The following RIPOR3 variants were observed in gnomAD, a reference collection of about 807,000 sequenced individuals.
The protein encoded by RIPOR3 is RIPOR family member 3, also known as family with sequence similarity 65 member C.
In RIPOR3, 95 loss-of-function variants were observed where a neutral mutation model predicts 114.3. The observed-to-expected ratio is 0.83, with a 90% CI of 0.70 to 0.99. The LOEUF is 0.99. Among genes scored for constraint, RIPOR3 ranks in the 50% least tolerant of loss-of-function variants. RIPOR3 has a pLI of 0.00. For missense variants in RIPOR3, 1,252 were observed against 1,266.9 expected (o/e 0.99, Z 0.18); for synonymous variants, 575 against 543.8 (o/e 1.06, Z -0.80).
At chr20:50,660,749 CTT>C (rs58201824) in intron 1 of RIPOR3, among the ~76,000 whole-genome samples, 893 of 83,232 alleles carry the variant, frequency 0.011, 8 homozygotes, top group African/African-American at 0.035. Flanking sequence ...TGGGATTTAC[CTT>C]TTTTTTTTTT....
intron 13 of RIPOR3, among the ~76,000 whole-genome samples, chr20:50,598,842 T>C (rs1430326140): frequency 6.7e-6 from 1 of 148,800 alleles, no homozygotes; most frequent in Non-Finnish European, 1.5e-5. Flanking sequence ...GAGGCGGAGG[T>C]TGCAGTGAGC....
intron 6 of RIPOR3, among the ~76,000 whole-genome samples, chr20:50,610,403 C>T (rs562824126): frequency 2.0e-5 from 3 of 152,168 alleles, no homozygotes; most frequent in African/African-American, 7.2e-5. Context: ...AACCTGCCAC[C>T]CACTGGGCAG....
At chr20:50,683,390 T>A (rs1469419741) in intron 1 of RIPOR3, among the ~76,000 whole-genome samples, 3 of 152,138 alleles carry the variant, frequency 2.0e-5, no homozygotes, top group Admixed American at 6.5e-5. Context: ...TAGGTGGGGC[T>A]GTTCAGGTGC....
intron 1 of RIPOR3, 68 bp from the exon 2 acceptor site, chr20:50,630,924 A>G: frequency 8.0e-7 from 1 of 1,253,058 alleles, no homozygotes; most frequent in Non-Finnish European, 1.1e-6. Context: ...CAGGCCAGCC[A>G]CCTTCCACCA....
intron 11 of RIPOR3, among the ~76,000 whole-genome samples, chr20:50,605,370 C>T (rs532893498): frequency 5.3e-5 from 8 of 152,116 alleles, no homozygotes; most frequent in East Asian, 1.9e-4. Flanking sequence ...CAACCAACCA[C>T]GCGAGACGGA....
chr20:50,670,648 C>T (rs749240985), intron 1 of RIPOR3, among the ~76,000 whole-genome samples: 1 of 152,114 alleles, frequency 6.6e-6, no homozygotes, highest in Admixed American at 6.6e-5. Flanking sequence ...GGCACCACAC[C>T]GTCCTGTGGA....
At chr20:50,592,304 A>C (rs1292839335) in intron 19 of RIPOR3, 40 bp downstream of exon 19, 21 of 1,506,122 alleles carry the variant, frequency 1.4e-5, no homozygotes, top group Non-Finnish European at 1.9e-5. Flanking sequence ...ATGCCCACAC[A>C]TCTGTGGCCA....
At position 50,616,076 on chromosome 20, in the gene RIPOR3, A is replaced by C. The variant is rs1224435325; in HGVS notation, c.274T>G (p.Tyr92Asp). ...AGCTCAGCCTGCTGCACACACAGAT[A>C]CTCCCTGCAAGGAAAGCAAGGAAGA... ...FEALKRGLKE[Y>D]LCVQQAELDH... The change falls in exon 4 of 22, where the codon TAT (tyrosine) becomes GAT (aspartate). Residue 92 changes from tyrosine to aspartate, a missense_variant. Tyr to Asp is a radical substitution (Grantham distance 160). Coordinates refer to ENST00000327979, the MANE Select transcript of RIPOR3 (RefSeq NM_001290268.2). The C allele has an allele frequency of 1.9e-6, 3 of 1,611,284 alleles. No individual in the cohort carries two copies. Among genetic ancestry groups the C allele is most frequent in the Non-Finnish European group, 2.5e-6 (3 of 1,178,912 alleles).
At chr20:50,672,807 G>A (rs1423317093) in intron 1 of RIPOR3, among the ~76,000 whole-genome samples, 1 of 152,196 alleles carries the variant, frequency 6.6e-6, no homozygotes, top group Non-Finnish European at 1.5e-5. Context: ...AGGTTTGGCT[G>A]CCCATAGAGG....
At chr20:50,659,450 C>T (rs2123448673) in intron 1 of RIPOR3, among the ~76,000 whole-genome samples, 1 of 151,836 alleles carries the variant, frequency 6.6e-6, no homozygotes, top group East Asian at 1.9e-4. Context: ...AGTTTGAGAC[C>T]AGACTGGTTA....
intron 1 of RIPOR3, among the ~76,000 whole-genome samples, chr20:50,635,536 C>T (rs1432716033): frequency 2.0e-5 from 3 of 152,082 alleles, no homozygotes; most frequent in Non-Finnish European, 4.4e-5. Flanking sequence ...CACCTGTAGT[C>T]GAGCTACTGC....
chr20:50,639,314 G>T (rs1013015152), intron 1 of RIPOR3, among the ~76,000 whole-genome samples: 18 of 151,972 alleles, frequency 1.2e-4, no homozygotes, highest in African/African-American at 4.1e-4. Flanking sequence ...TGCAGTGCCA[G>T]GCATTGCTCA....
At chr20:50,657,122 C>T (rs751006466) in intron 1 of RIPOR3, among the ~76,000 whole-genome samples, 8 of 152,212 alleles carry the variant, frequency 5.3e-5, no homozygotes, top group Non-Finnish European at 1.2e-4. Flanking sequence ...CGAGGTGGCT[C>T]ATGCCTATAG....
intron 1 of RIPOR3, among the ~76,000 whole-genome samples, chr20:50,649,594 C>G (rs1349960010): frequency 6.6e-6 from 1 of 152,176 alleles, no homozygotes; most frequent in African/African-American, 2.4e-5. Flanking sequence ...GTCCCCCACC[C>G]CCACCCACAG....
Position 50,661,645 on chromosome 20 carries a change from G to A in RIPOR3, c.3+29481C>T, listed in dbSNP as rs189202274. ...AGCTGCAGGAACACGCTGTCCCCAC[G>A]ACAACCCCTTCTCAGCCTCGGAACT... is the stretch of plus-strand genomic sequence containing the variant. On this transcript the variant is annotated intron_variant, in intron 1 of 21. Coordinates refer to ENST00000327979, the MANE Select transcript of RIPOR3 (RefSeq NM_001290268.2). 1.7e-4 allele frequency among the ~76,000 whole-genome samples: 26 copies of A among 152,248 alleles called. No homozygotes were observed. In the Middle Eastern group the frequency reaches 0.01, roughly 60 times the overall value.
chr20:50,593,238 G>C lies in RIPOR3; in HGVS notation c.2213-42C>G, dbSNP rs777321884. The stretch of plus-strand genomic sequence containing the variant: ...GTACATCAGGAGAAACTGAGACCTC[G>C]ACCCTCCACGCTTCTCAGCTGGGAG... On this transcript the variant is annotated intron_variant, in intron 17 of 21. Coordinates refer to ENST00000327979, the MANE Select transcript of RIPOR3 (RefSeq NM_001290268.2). The C allele has an allele frequency of 1.7e-5, 27 of 1,590,602 alleles. No individual in the cohort carries two copies. The Admixed American group carries it at 1.9e-4, about 11-fold the overall frequency.
intron 1 of RIPOR3, chr20:50,636,678 G>A (rs1386446520): frequency 1.9e-4 from 183 of 985,426 alleles, no homozygotes; most frequent in Non-Finnish European, 2.2e-4. Flanking sequence ...CCCGGCTGGT[G>A]TGTGCAGGGA....
intron 3 of RIPOR3, 82 bp downstream of exon 3, chr20:50,619,904 T>C (rs925817716): frequency 5.3e-6 from 8 of 1,520,764 alleles, no homozygotes; most frequent in Non-Finnish European, 7.2e-6. Flanking sequence ...ACAAGACCCA[T>C]CCACGCTTCC....
chr20:50,632,323 G>A, intron 1 of RIPOR3, among the ~76,000 whole-genome samples: 1 of 152,198 alleles, frequency 6.6e-6, no homozygotes, highest in East Asian at 1.9e-4. Context: ...ACCTCCCACG[G>A]AGACTGCTGG....
Sources: gnomAD v4.1 joint callset for allele counts (sites outside exome capture counted in the v4.1 genomes callset) on GRCh38, gnomAD v4.1.1 for gene constraint, MANE v1.5 for transcripts, NCBI Gene and HGNC (gene_info 2026-07-23, HGNC 2026-07-21) for gene names.